Variants in CNTN5 observed in about 807,000 individuals in gnomAD.
CNTN5 encodes contactin 5.
CNTN5 carries 77 observed loss-of-function variants against 129.1 expected under a neutral mutation model. The observed-to-expected ratio is 0.60, with a 90% confidence interval of 0.50 to 0.72. The LOEUF is 0.72. CNTN5 is among the 30% of genes least tolerant of loss of function. The probability of loss-of-function intolerance (pLI) is 0.00; values close to 1 mark genes in which losing one functional copy is unlikely to be tolerated. For synonymous variants in CNTN5, 509 were observed against 465.6 expected (o/e 1.09, Z -1.20); for missense variants, 1,478 against 1,328.8 (o/e 1.11, Z -1.75).
At chr11:100,257,524 A>C (rs1323008026) in intron 17 of CNTN5, among the ~76,000 whole-genome samples, 1 of 152,002 alleles carries the variant, frequency 6.6e-6, no homozygotes, top group East Asian at 1.9e-4. Flanking sequence ...TGTCACCGAC[A>C]CCTCATAAAG....
At chr11:99,033,545 T>G (rs1370784465) in intron 1 of CNTN5, among the ~76,000 whole-genome samples, 2 of 152,144 alleles carry the variant, frequency 1.3e-5, no homozygotes, top group South Asian at 2.1e-4. Flanking sequence ...GAATGGGAGT[T>G]CACTCATGAA....
chr11:99,870,701 T>G (rs1170174536), intron 6 of CNTN5, among the ~76,000 whole-genome samples: 1 of 152,094 alleles, frequency 6.6e-6, no homozygotes, highest in African/African-American at 2.4e-5. Context: ...TACGGACAAT[T>G]TGAAAGCTGC....
chr11:99,180,555 T>C (rs1264298716), intron 1 of CNTN5, among the ~76,000 whole-genome samples: 1 of 152,198 alleles, frequency 6.6e-6, no homozygotes, highest in African/African-American at 2.4e-5. Context: ...TAGATTGAAA[T>C]AGAGATTTCT....
At chr11:99,753,651 GAAA>G (rs201045916) in intron 3 of CNTN5, among the ~76,000 whole-genome samples, 5 of 96,278 alleles carry the variant, frequency 5.2e-5, no homozygotes, top group Admixed American at 2.4e-4. Context: ...AATTTTTACT[GAAA>G]AAAAAAAAAA....
chr11:100,106,977 G>A (rs12289494), intron 13 of CNTN5, among the ~76,000 whole-genome samples: 1,719 of 152,202 alleles, frequency 0.011, 37 homozygotes, highest in African/African-American at 0.039. Context: ...AAGCAACTTA[G>A]TATTTTGGCA....
chr11:99,329,941 A>G (rs1345102126), intron 2 of CNTN5, among the ~76,000 whole-genome samples: 8 of 151,620 alleles, frequency 5.3e-5, no homozygotes, highest in African/African-American at 1.5e-4. Context: ...ACACACACAC[A>G]CACACACACA....
intron 1 of CNTN5, among the ~76,000 whole-genome samples, chr11:99,087,927 C>T (rs1866066577): frequency 6.6e-6 from 1 of 152,100 alleles, no homozygotes; most frequent in East Asian, 1.9e-4. Flanking sequence ...TCAGAAGGGC[C>T]AAATGCTTAG....
intron 17 of CNTN5, among the ~76,000 whole-genome samples, chr11:100,266,015 G>A (rs1007371533): frequency 2.0e-5 from 3 of 152,032 alleles, no homozygotes; most frequent in African/African-American, 4.8e-5. Context: ...TTCTATCAGT[G>A]GATATGTCTT....
At chr11:99,487,112 A>G (rs564559877) in intron 2 of CNTN5, among the ~76,000 whole-genome samples, 2 of 152,356 alleles carry the variant, frequency 1.3e-5, no homozygotes, top group South Asian at 2.1e-4. Flanking sequence ...CCTAAGTTCT[A>G]CATAGGTTCT....
At chr11:99,144,059 C>T (rs911154122) in intron 1 of CNTN5, among the ~76,000 whole-genome samples, 3 of 152,082 alleles carry the variant, frequency 2.0e-5, no homozygotes, top group Non-Finnish European at 4.4e-5. Flanking sequence ...TTTTATACAG[C>T]TTTATGTAAC....
chr11:100,358,086 C>T lies in CNTN5; in HGVS notation c.*1866C>T, dbSNP rs1033237199. ...TTTAGCTGGCAAAACATGAGCTCTC[C>T]CAAGTATAGTTTACCTTTATGAATT... On this transcript the variant is annotated 3_prime_UTR_variant, in exon 25 of 25. Transcript: ENST00000524871. 1 of 151,650 alleles carries T rather than the reference C, an allele frequency of 6.6e-6. No homozygotes were observed. The highest frequency in any genetic ancestry group is 1.5e-5 in the Non-Finnish European group (1 of 67,770). The allele number at this position is 151,650 out of a possible 1,614,324, so 9.4% of individuals were successfully genotyped here.
chr11:99,357,918 T>C (rs1175121408), intron 2 of CNTN5, among the ~76,000 whole-genome samples: 1 of 150,730 alleles, frequency 6.6e-6, no homozygotes, highest in Non-Finnish European at 1.5e-5. Flanking sequence ...GCAGGAGAAC[T>C]GCATGAACCC....
At chr11:100,116,588 G>A (rs999354922) in intron 13 of CNTN5, among the ~76,000 whole-genome samples, 3 of 151,348 alleles carry the variant, frequency 2.0e-5, no homozygotes, top group Non-Finnish European at 4.4e-5. Flanking sequence ...TTCCTTACCT[G>A]TTTTTTTCTA....
chr11:99,395,930 G>T (rs1941499760), intron 2 of CNTN5, among the ~76,000 whole-genome samples: 1 of 152,062 alleles, frequency 6.6e-6, no homozygotes, highest in Admixed American at 6.6e-5. Flanking sequence ...GTACCATGCT[G>T]TTTTGGTTAA....
chr11:99,385,210 A>T (rs1940852376), intron 2 of CNTN5, among the ~76,000 whole-genome samples: 2 of 152,278 alleles, frequency 1.3e-5, no homozygotes, highest in Admixed American at 6.5e-5. Context: ...TGTTAACTTT[A>T]GTCACTGTGT....
intron 3 of CNTN5, among the ~76,000 whole-genome samples, chr11:99,767,497 C>T (rs1288008698): frequency 6.6e-6 from 1 of 151,930 alleles, no homozygotes; most frequent in African/African-American, 2.4e-5. Context: ...ATTCAATTTC[C>T]TATAGCATAT....
chr11:99,189,447 T>C (rs1858520713), intron 1 of CNTN5, among the ~76,000 whole-genome samples: 1 of 151,654 alleles, frequency 6.6e-6, no homozygotes, highest in Non-Finnish European at 1.5e-5. Context: ...TTAATGTATT[T>C]GAAGAACCTC....
intron 10 of CNTN5, among the ~76,000 whole-genome samples, chr11:100,069,107 C>T (rs915725997): frequency 6.6e-6 from 1 of 152,086 alleles, no homozygotes; most frequent in African/African-American, 2.4e-5. Flanking sequence ...ACATCTGCTA[C>T]TCCGTTATAC....
chr11:99,040,718 A>G (rs917222066), intron 1 of CNTN5, among the ~76,000 whole-genome samples: 1 of 152,138 alleles, frequency 6.6e-6, no homozygotes, highest in Non-Finnish European at 1.5e-5. Flanking sequence ...TAGTGTTTCA[A>G]CCTTACTCTG....
Sources: allele counts gnomAD v4.1 joint callset (sites outside exome capture counted in the v4.1 genomes callset), GRCh38; gene constraint gnomAD v4.1.1; transcripts MANE v1.5; gene names NCBI Gene and HGNC (gene_info 2026-07-23, HGNC 2026-07-21).